The following ACER1 variants were observed in gnomAD, a reference collection of about 807,000 sequenced individuals.
ACER1 encodes the protein CTB-180A7.3.
ACER1 carries 28 observed loss-of-function variants against 24.9 expected under a neutral mutation model. The ratio of observed to expected loss-of-function variants is 1.13; its 90% CI spans 0.83 to 1.54. The LOEUF (loss-of-function observed/expected upper bound fraction) is 1.54, where lower values mean the gene tolerates loss of function less well. ACER1 is among the 40% of genes most tolerant of loss of function. The probability of loss-of-function intolerance (pLI) is 0.00; values close to 1 mark genes in which losing one functional copy is unlikely to be tolerated. For missense variants in ACER1, 352 were observed against 349.3 expected (o/e 1.01, Z -0.06); for synonymous variants, 132 against 131.4 (o/e 1.00, Z -0.03).
chr19:6,337,661 CTTTTTTTTTTTT>C (rs1192304687), upstream of ACER1, among the ~76,000 whole-genome samples: 52 of 25,936 alleles, frequency 2.0e-3, 1 homozygote, highest in Admixed American at 3.4e-3. Context: ...TTCTTTCTTT[CTTTTTTTTTTTT>C]TTTTTTTTTT....
upstream of ACER1, among the ~76,000 whole-genome samples, chr19:6,334,146 G>A (rs1600246652): frequency 6.6e-6 from 1 of 151,738 alleles, no homozygotes. Context: ...CCGTGTTCAC[G>A]CCATTCTCCC....
At chr19:6,333,437 C>T in intron 1 of ACER1, 22 bp downstream of exon 1, 1 of 1,550,972 alleles carries the variant, frequency 6.4e-7, no homozygotes, top group South Asian at 1.2e-5. Flanking sequence ...GGCGAGACTC[C>T]TTCACACACC....
rs570207922 is a variant in ACER1, at chr19:6,310,606, C to T, written c.351-772G>A. Among the ~76,000 whole-genome samples, 56 of 151,364 alleles carry T rather than the reference C, an allele frequency of 3.7e-4. No homozygotes were observed. The Middle Eastern group carries it at 0.01, about 28-fold the overall frequency. ...CAAGAAAAAGGGTCCTAGCCCGGCACGGTGGCTCGTGACTGTAATCCCAGC... is the reference window on the plus strand; with the variant it reads ...CAAGAAAAAGGGTCCTAGCCCGGCATGGTGGCTCGTGACTGTAATCCCAGC... On this transcript the variant is annotated intron_variant, in intron 3 of 5. Transcript: ENST00000301452.
chr19:6,357,569 C>T, the ACER1 span, among the ~76,000 whole-genome samples: 699 of 151,952 alleles, frequency 4.6e-3, 5 homozygotes, highest in African/African-American at 0.016. Context: ...GTCAGGAGTT[C>T]GAGACCAGCC....
intron 1 of ACER1, among the ~76,000 whole-genome samples, chr19:6,325,767 G>A (rs2091658102): frequency 6.6e-6 from 1 of 152,088 alleles, no homozygotes; most frequent in Non-Finnish European, 1.5e-5. Flanking sequence ...GGCTGAGACG[G>A]GAGGACTGCT....
intron 1 of ACER1, among the ~76,000 whole-genome samples, chr19:6,316,165 G>T (rs1393721234): frequency 1.3e-5 from 2 of 152,144 alleles, no homozygotes; most frequent in Non-Finnish European, 2.9e-5. Flanking sequence ...CAGGTGTGAT[G>T]GTTCATGCCT....
chr19:6,328,811 T>C (rs905922127), intron 1 of ACER1, among the ~76,000 whole-genome samples: 16 of 151,462 alleles, frequency 1.1e-4, no homozygotes, highest in Non-Finnish European at 1.5e-5. Flanking sequence ...GAACTACGGA[T>C]GCATGCCACC....
intron 1 of ACER1, among the ~76,000 whole-genome samples, chr19:6,322,739 A>G (rs1030444094): frequency 6.6e-6 from 1 of 152,134 alleles, no homozygotes; most frequent in Non-Finnish European, 1.5e-5. Flanking sequence ...TTCCCGTGTG[A>G]TTGAATTATC....
intron 1 of ACER1, among the ~76,000 whole-genome samples, chr19:6,328,063 G>A (rs2091669788): frequency 2.0e-5 from 3 of 147,586 alleles, no homozygotes; most frequent in African/African-American, 7.7e-5. Context: ...GCGACAGAGT[G>A]AGACTCCATC....
At chr19:6,307,038 G>T (rs1600232665) in intron 5 of ACER1, 115 bp downstream of exon 5, 2 of 1,521,602 alleles carry the variant, frequency 1.3e-6, no homozygotes, top group East Asian at 4.5e-5. Flanking sequence ...AGGTCCCAGT[G>T]TCTGGCTCTC....
chr19:6,324,196 C>T (rs2091647162), intron 1 of ACER1, among the ~76,000 whole-genome samples: 2 of 151,748 alleles, frequency 1.3e-5, no homozygotes, highest in Admixed American at 1.3e-4. Flanking sequence ...AGGTGTGAGC[C>T]ACCACGCCTG....
the ACER1 span, among the ~76,000 whole-genome samples, chr19:6,354,121 G>T: frequency 1.3e-5 from 2 of 151,824 alleles, no homozygotes; most frequent in South Asian, 4.2e-4. Context: ...GGTGGAGGCT[G>T]CAGTGAGCCA....
chr19:6,347,858 A>G, the ACER1 span, among the ~76,000 whole-genome samples: 282 of 151,850 alleles, frequency 1.9e-3, 1 homozygote, highest in African/African-American at 6.5e-3. Context: ...ATAAGTTATT[A>G]GGGCAGGTCC....
chr19:6,355,729 G>A, the ACER1 span, among the ~76,000 whole-genome samples: 3 of 116,408 alleles, frequency 2.6e-5, no homozygotes, highest in African/African-American at 1.1e-4. Context: ...CCGGCCAGCC[G>A]CCCCGTCCAG....
chr19:6,348,891 AC>A, the ACER1 span, among the ~76,000 whole-genome samples: 1 of 151,962 alleles, frequency 6.6e-6, no homozygotes, highest in African/African-American at 2.4e-5. Flanking sequence ...ACCTGTCTCT[AC>A]TAAAAATACA....
chr19:6,353,500 TTTC>T, the ACER1 span: 1 of 128,798 alleles, frequency 7.8e-6, no homozygotes, highest in Non-Finnish European at 1.6e-5. Flanking sequence ...TAAAGTTGTT[TTTC>T]TTCTATTTCA....
chr19:6,309,199 AAAATAAAT>A (rs746804298), intron 4 of ACER1, among the ~76,000 whole-genome samples: 5 of 151,808 alleles, frequency 3.3e-5, no homozygotes, highest in African/African-American at 1.2e-4. Context: ...CTCTGTCTCA[AAAATAAAT>A]AAATAAATAA....
At chr19:6,321,959 G>T (rs2091633370) in intron 1 of ACER1, among the ~76,000 whole-genome samples, 1 of 152,082 alleles carries the variant, frequency 6.6e-6, no homozygotes, top group East Asian at 1.9e-4. Flanking sequence ...TCAGAGCCTG[G>T]AGCAGAGCCT....
At chr19:6,329,762 G>A (rs1035333961) in intron 1 of ACER1, among the ~76,000 whole-genome samples, 5 of 152,086 alleles carry the variant, frequency 3.3e-5, no homozygotes, top group South Asian at 2.1e-4. Context: ...CCGGAATACG[G>A]TGGTGCAGTA....
Sources: allele counts gnomAD v4.1 joint callset (sites outside exome capture counted in the v4.1 genomes callset), GRCh38; gene constraint gnomAD v4.1.1; transcripts MANE v1.5; gene names NCBI Gene and HGNC (gene_info 2026-07-23, HGNC 2026-07-21).